The following PDE4B variants were observed in gnomAD, a reference collection of about 807,000 sequenced individuals.
PDE4B encodes the protein phosphodiesterase 4B.
In PDE4B, 20 loss-of-function variants were observed where a neutral mutation model predicts 82.2. The observed-to-expected ratio is 0.24, with a 90% confidence interval of 0.17 to 0.35. The LOEUF (loss-of-function observed/expected upper bound fraction) is 0.35. Among genes scored for constraint, PDE4B ranks in the 10% least tolerant of loss-of-function variants. The probability of loss-of-function intolerance (pLI) is 1.00; values close to 1 mark genes in which losing one functional copy is unlikely to be tolerated. For missense variants in PDE4B, 655 were observed against 907.2 expected (o/e 0.72, Z 3.57); for synonymous variants, 320 against 318.9 (o/e 1.00, Z -0.04).
At chr1:66,002,510 G>T (rs189059901) in intron 3 of PDE4B, among the ~76,000 whole-genome samples, 1 of 151,836 alleles carries the variant, frequency 6.6e-6, no homozygotes, top group Admixed American at 6.6e-5. Context: ...TCTAAGAGAT[G>T]ATGTCTATAA....
At chr1:66,113,579 A>G (rs908468201) in intron 3 of PDE4B, among the ~76,000 whole-genome samples, 60 of 152,218 alleles carry the variant, frequency 3.9e-4, no homozygotes, top group African/African-American at 1.4e-3. Flanking sequence ...CAGACAGCTG[A>G]TTATAAAAAT....
chr1:65,936,644 AG>A (rs1408514064), intron 3 of PDE4B, among the ~76,000 whole-genome samples: 5 of 152,216 alleles, frequency 3.3e-5, no homozygotes, highest in African/African-American at 1.2e-4. Context: ...TGTCTAGGGT[AG>A]GACCTAACAT....
intron 1 of PDE4B, among the ~76,000 whole-genome samples, chr1:65,896,606 A>G (rs1324695929): frequency 6.6e-6 from 1 of 152,206 alleles, no homozygotes; most frequent in African/African-American, 2.4e-5. Context: ...ATTGGTTCCT[A>G]TTCACCAACA....
chr1:65,977,476 C>A (rs1005118088), intron 3 of PDE4B, among the ~76,000 whole-genome samples: 1 of 152,126 alleles, frequency 6.6e-6, no homozygotes, highest in Non-Finnish European at 1.5e-5. Flanking sequence ...ATAATAAAGC[C>A]TGTATCATGG....
intron 1 of PDE4B, among the ~76,000 whole-genome samples, chr1:65,838,607 G>T (rs1210209834): frequency 6.8e-6 from 1 of 148,056 alleles, no homozygotes; most frequent in Non-Finnish European, 1.5e-5. Flanking sequence ...GTATCTATAT[G>T]TATATGTGTA....
At chr1:66,211,375 C>T (rs928792951) in intron 3 of PDE4B, among the ~76,000 whole-genome samples, 2 of 152,150 alleles carry the variant, frequency 1.3e-5, no homozygotes, top group African/African-American at 4.8e-5. Context: ...TATCCCCACT[C>T]TCAGCTGATG....
chr1:65,988,679 C>A (rs1045185919), intron 3 of PDE4B, among the ~76,000 whole-genome samples: 1 of 151,790 alleles, frequency 6.6e-6, no homozygotes, highest in African/African-American at 2.4e-5. Context: ...AAAAAAGCTT[C>A]TTAATTCATT....
intron 3 of PDE4B, among the ~76,000 whole-genome samples, chr1:66,037,631 T>C (rs1044990799): frequency 2.6e-5 from 4 of 152,198 alleles, no homozygotes; most frequent in African/African-American, 9.6e-5. Flanking sequence ...CTAATTGTTC[T>C]GGCTAGTACT....
In PDE4B at chr1:66,363,646, A is replaced by T. The variant is rs1049277198; in HGVS notation, c.1284+75A>T. The T allele has an allele frequency of 2.2e-5, 27 of 1,239,574 alleles. No individual in the cohort carries two copies. In the African/African-American group the frequency reaches 3.9e-4, roughly 18 times the overall value. 76.8% of individuals were successfully genotyped at this position (1,239,574 alleles called of 1,614,324 possible). Reference sequence around the variant, plus strand: ...TGCCATATCAGCTGGATGTAGTAGCATGTGCCTGTAGTCCTAGCTACTCGG... The same window carrying T: ...TGCCATATCAGCTGGATGTAGTAGCTTGTGCCTGTAGTCCTAGCTACTCGG... On this transcript the variant is annotated intron_variant, in intron 12 of 16. Transcript: ENST00000341517.
chr1:66,306,756 C>T (rs1470727602), intron 7 of PDE4B, among the ~76,000 whole-genome samples: 1 of 152,096 alleles, frequency 6.6e-6, no homozygotes, highest in Non-Finnish European at 1.5e-5. Flanking sequence ...TGCCTGTGAT[C>T]ACTCAGTAAG....
intron 3 of PDE4B, among the ~76,000 whole-genome samples, chr1:66,195,734 A>T (rs1461158254): frequency 6.6e-6 from 1 of 152,096 alleles, no homozygotes; most frequent in East Asian, 1.9e-4. Flanking sequence ...TACCTCCTAC[A>T]CCTTCTGATC....
chr1:66,297,585 T>C (rs1001516946), intron 7 of PDE4B, among the ~76,000 whole-genome samples: 7 of 152,276 alleles, frequency 4.6e-5, no homozygotes, highest in African/African-American at 1.7e-4. Flanking sequence ...TACTTTCTCA[T>C]GCATTTATCC....
chr1:66,207,675 A>T (rs1458012064), intron 3 of PDE4B, among the ~76,000 whole-genome samples: 2 of 152,178 alleles, frequency 1.3e-5, no homozygotes, highest in East Asian at 3.8e-4. Context: ...CTATTCTAGG[A>T]TGTAGTCCCA....
At chr1:66,370,425 A>G (rs889842536) in intron 16 of PDE4B, among the ~76,000 whole-genome samples, 2 of 152,232 alleles carry the variant, frequency 1.3e-5, no homozygotes, top group African/African-American at 4.8e-5. Context: ...CAAGATAGAT[A>G]AAGTAGATAT....
chr1:66,196,240 C>T (rs184290152), intron 3 of PDE4B, among the ~76,000 whole-genome samples: 1 of 152,276 alleles, frequency 6.6e-6, no homozygotes, highest in Non-Finnish European at 1.5e-5. Flanking sequence ...TGGGTTTAGG[C>T]CCACCTGTGC....
intron 3 of PDE4B, among the ~76,000 whole-genome samples, chr1:66,184,394 T>C (rs1647137047): frequency 6.6e-6 from 1 of 152,318 alleles, no homozygotes; most frequent in South Asian, 2.1e-4. Context: ...GAAATGAGAA[T>C]ATGGCAATCA....
chr1:66,180,757 G>A (rs1055403126), intron 3 of PDE4B, among the ~76,000 whole-genome samples: 1 of 152,114 alleles, frequency 6.6e-6, no homozygotes, highest in African/African-American at 2.4e-5. Flanking sequence ...ATTGTTAGTG[G>A]TAGTGGTGAT....
At chr1:66,356,919 G>A (rs1048384164) in intron 9 of PDE4B, among the ~76,000 whole-genome samples, 11 of 152,282 alleles carry the variant, frequency 7.2e-5, no homozygotes, top group African/African-American at 2.6e-4. Flanking sequence ...TCCCAGAGGT[G>A]CCTGGAATCT....
At chr1:66,351,178 G>A (rs61796502) in intron 8 of PDE4B, among the ~76,000 whole-genome samples, 12,357 of 152,264 alleles carry the variant, frequency 0.081, 611 homozygotes, top group South Asian at 0.24. Context: ...GCTTGTCTGT[G>A]TTGAAAAGGG....
Sources: allele counts gnomAD v4.1 joint callset (sites outside exome capture counted in the v4.1 genomes callset), GRCh38; gene constraint gnomAD v4.1.1; transcripts MANE v1.5; gene names NCBI Gene and HGNC (gene_info 2026-07-23, HGNC 2026-07-21).